Variants in TEX11 observed in about 807,000 individuals in gnomAD.
The protein encoded by TEX11 is testis expressed 11.
Under a neutral mutation model 84.4 loss-of-function variants are expected in TEX11, and 7 were observed. The observed-to-expected ratio is 0.08, with a 90% confidence interval of 0.05 to 0.16. The LOEUF is 0.16. TEX11 is among the 10% of genes least tolerant of loss of function. The pLI is 1.00. For synonymous variants in TEX11, 264 were observed against 222.8 expected, an observed-to-expected ratio of 1.18 and a Z score of -1.64; for missense variants, 551 against 660.5, an observed-to-expected ratio of 0.83 and a Z score of 1.82.
intron 13 of TEX11, among the ~76,000 whole-genome samples, chrX:70,698,546 G>A (rs1282837157): frequency 9.2e-6 from 1 of 108,637 alleles, no homozygotes; most frequent in African/African-American, 3.3e-5. Flanking sequence ...AAACACCCTA[G>A]GAAACTCCAC....
chrX:70,524,087 G>C (rs1833496283), downstream of TEX11, among the ~76,000 whole-genome samples: 1 of 111,729 alleles, frequency 9.0e-6, no homozygotes, highest in Non-Finnish European at 1.9e-5. Flanking sequence ...TTGTGAAAAG[G>C]CTGGAAAAGT....
At chrX:70,637,557 T>A (rs1045528748) in intron 17 of TEX11, among the ~76,000 whole-genome samples, 8 of 111,960 alleles carry the variant, frequency 7.1e-5, no homozygotes, top group African/African-American at 2.6e-4. Flanking sequence ...GTGGTACATA[T>A]ACACCATGGA....
At chrX:70,692,196 C>G (rs1277250056) in intron 13 of TEX11, among the ~76,000 whole-genome samples, 1 of 111,594 alleles carries the variant, frequency 9.0e-6, no homozygotes, top group Non-Finnish European at 1.9e-5. Flanking sequence ...CTCAAGATAT[C>G]ACCACAATCA....
At chrX:70,732,626 A>G (rs952278578) in intron 11 of TEX11, among the ~76,000 whole-genome samples, 2 of 111,744 alleles carry the variant, frequency 1.8e-5, no homozygotes, top group African/African-American at 6.5e-5. Context: ...GAAGAAGTAC[A>G]AACCACTGCT....
rs376436865 is a variant in TEX11 at position 70,595,341 on chromosome X, T to TC, written c.2068-3519dup. 2.7e-3 allele frequency among the ~76,000 whole-genome samples: 307 copies of TC among 111,643 alleles called. 3 individuals are homozygous for TC. Among genetic ancestry groups the TC allele is most frequent in the African/African-American group, 9.3e-3 (286 of 30,739 alleles). On this transcript the variant is annotated intron_variant, in intron 24 of 29. Transcript: ENST00000374333. ...CTCAAGTGATCTGCCCACCTCGGCC[T>TC]CCCAAAGTGCTAGGTTTACAGGTGT... is the stretch of plus-strand genomic sequence containing the variant.
At chrX:70,543,185 AAAAT>A (rs1204781238) in intron 28 of TEX11, among the ~76,000 whole-genome samples, 4 of 112,002 alleles carry the variant, frequency 3.6e-5, no homozygotes, top group African/African-American at 1.3e-4. Flanking sequence ...CCGTCTCAAA[AAAAT>A]AAATAAATAA....
At chrX:70,568,967 G>C (rs989778211) in intron 25 of TEX11, among the ~76,000 whole-genome samples, 2 of 111,436 alleles carry the variant, frequency 1.8e-5, no homozygotes, top group Non-Finnish European at 3.8e-5. Flanking sequence ...TGTTAGATTG[G>C]GGAAGTTCTC....
chrX:70,520,413 A>C, the TEX11 span, among the ~76,000 whole-genome samples: 32 of 111,967 alleles, frequency 2.9e-4, no homozygotes, highest in South Asian at 9.0e-3. Context: ...CTGGAGGTCC[A>C]CTCCAGACCC....
chrX:70,714,017 A>C (rs1223041511), intron 13 of TEX11, among the ~76,000 whole-genome samples: 1 of 111,941 alleles, frequency 8.9e-6, no homozygotes, highest in East Asian at 2.8e-4. Context: ...GTTTCAAAGA[A>C]CATCTTTATT....
chrX:70,856,978 A>C (rs780409115), intron 5 of TEX11, among the ~76,000 whole-genome samples: 1 of 111,460 alleles, frequency 9.0e-6, no homozygotes, highest in Non-Finnish European at 1.9e-5. Flanking sequence ...GGAGGACTAG[A>C]TATTTGATTT....
At chrX:70,743,265 A>G (rs1321058043) in intron 10 of TEX11, among the ~76,000 whole-genome samples, 1 of 112,100 alleles carries the variant, frequency 8.9e-6, no homozygotes, top group Non-Finnish European at 1.9e-5. Context: ...AGTCACTTGT[A>G]CTAGTTTTAT....
intron 9 of TEX11, among the ~76,000 whole-genome samples, chrX:70,753,979 G>A (rs1046798137): frequency 9.1e-6 from 1 of 109,332 alleles, no homozygotes; most frequent in South Asian, 4.0e-4. Context: ...GTGAGACCCT[G>A]AGACTTGCTG....
chrX:70,675,596 G>A (rs886449564), intron 15 of TEX11, among the ~76,000 whole-genome samples: 5 of 87,318 alleles, frequency 5.7e-5, no homozygotes, highest in East Asian at 6.8e-4. Flanking sequence ...TTCTCTTCTC[G>A]TTTCTCTTCT....
intron 8 of TEX11, among the ~76,000 whole-genome samples, chrX:70,821,767 AAAGAT>A (rs1267605659): frequency 2.7e-5 from 3 of 112,433 alleles, no homozygotes; most frequent in African/African-American, 9.7e-5. Flanking sequence ...CAAAAAGTCA[AAAGAT>A]AATGTGTCAT....
At chrX:70,763,493 G>T (rs2090921757) in intron 9 of TEX11, among the ~76,000 whole-genome samples, 1 of 110,619 alleles carries the variant, frequency 9.0e-6, no homozygotes, top group Non-Finnish European at 1.9e-5. Flanking sequence ...ATTGGGTACA[G>T]TGTACACTGC....
intron 14 of TEX11, among the ~76,000 whole-genome samples, chrX:70,679,765 G>C (rs1369249483): frequency 9.9e-6 from 1 of 100,566 alleles, no homozygotes; most frequent in Non-Finnish European, 2.1e-5. Context: ...CCAGCCGCCC[G>C]TCCGGGAGGG....
chrX:70,850,887 T>C (rs1432885622), intron 7 of TEX11, among the ~76,000 whole-genome samples: 4 of 111,445 alleles, frequency 3.6e-5, no homozygotes, highest in African/African-American at 1.3e-4. Context: ...CTGGGCAACA[T>C]AGCAAAACCT....
rs184338750 is a variant in TEX11 at position 70,557,690 on chromosome X, T to A, written c.2141-2890A>T. Among the ~76,000 whole-genome samples, 9 of 111,821 alleles carry A rather than the reference T, an allele frequency of 8.0e-5. No homozygotes were observed. In the East Asian group the frequency reaches 2.2e-3, roughly 28 times the overall value. Reference sequence around the variant, plus strand: ...ACACTCCCCAAAATTATCTATAGATTCAACACAATCCCTATCAGCATCCCA... The same window carrying A: ...ACACTCCCCAAAATTATCTATAGATACAACACAATCCCTATCAGCATCCCA... On this transcript the variant is annotated intron_variant, in intron 25 of 29. Coordinates refer to ENST00000374333, the MANE Select transcript of TEX11 (RefSeq NM_031276.3).
intron 19 of TEX11, among the ~76,000 whole-genome samples, 183 bp from the exon 20 acceptor site, chrX:70,624,189 A>G (rs1240197686): frequency 8.9e-6 from 1 of 112,076 alleles, no homozygotes; most frequent in Non-Finnish European, 1.9e-5. Flanking sequence ...TGCAATGAAA[A>G]CATACCAATT....
Sources: gnomAD v4.1 joint callset for allele counts (sites outside exome capture counted in the v4.1 genomes callset) on GRCh38, gnomAD v4.1.1 for gene constraint, MANE v1.5 for transcripts, NCBI Gene and HGNC (gene_info 2026-07-23, HGNC 2026-07-21) for gene names.